Variants in EGFR observed in about 807,000 individuals in gnomAD.
EGFR encodes avian erythroblastic leukemia viral (v-erb-b) oncogene homolog.
A neutral mutation model predicts 143.0 loss-of-function variants in EGFR; 58 were observed. That is an observed-to-expected ratio of 0.41 (90% CI 0.33 to 0.50). The LOEUF (loss-of-function observed/expected upper bound fraction) is 0.50. Ranked by LOEUF, EGFR falls within the 20% of genes least tolerant of loss-of-function variation. The pLI is 0.39. For synonymous variants in EGFR, 613 were observed against 594.4 expected, an observed-to-expected ratio of 1.03 and a Z score of -0.45; for missense variants, 1,307 against 1,579.0, an observed-to-expected ratio of 0.83 and a Z score of 2.92.
rs751549547 is a variant in EGFR, at chr7:55,192,783, G to T, written c.2643G>T (p.Met881Ile). 2 of 1,614,142 alleles carry T rather than the reference G, an allele frequency of 1.2e-6. No homozygotes were observed. The highest frequency in any genetic ancestry group is 2.2e-5 in the South Asian group (2 of 91,082). The change falls in exon 22 of 28, where the codon ATG becomes ATT. Residue 881 changes from methionine (M) to isoleucine (I), a missense_variant. Transcript: ENST00000275493. ...ATCCCAAGGTGCCTATCAAGTGGAT[G>T]GCATTGGAATCAATTTTACACAGAA... ...AEGGKVPIKWMALESILHRIY... is the reference protein window; with the variant it reads ...AEGGKVPIKWIALESILHRIY...
chr7:55,168,784 T>C (rs747067694), intron 15 of EGFR: 21 of 526,072 alleles, frequency 4.0e-5, no homozygotes, highest in Non-Finnish European at 5.8e-5. Context: ...AATTACACGA[T>C]AGAAATGGGT....
intron 1 of EGFR, among the ~76,000 whole-genome samples, chr7:55,036,323 A>T (rs2128866722): frequency 8.1e-6 from 1 of 122,808 alleles, no homozygotes. Flanking sequence ...TCCTATATTT[A>T]TTGTCCTGTA....
intron 1 of EGFR, among the ~76,000 whole-genome samples, chr7:55,026,865 T>C (rs1786919660): frequency 6.8e-6 from 1 of 147,662 alleles, no homozygotes; most frequent in South Asian, 2.2e-4. Flanking sequence ...TCTCTTTAAC[T>C]GCCAAAAAAA....
chr7:55,113,839 A>T (rs2128909235), intron 1 of EGFR, among the ~76,000 whole-genome samples: 1 of 152,258 alleles, frequency 6.6e-6, no homozygotes, highest in Non-Finnish European at 1.5e-5. Context: ...AAACCCACAG[A>T]CCTCTAGAAA....
chr7:55,197,281 G>T (rs954252702), intron 22 of EGFR, among the ~76,000 whole-genome samples: 2 of 152,130 alleles, frequency 1.3e-5, no homozygotes, highest in Admixed American at 6.6e-5. Flanking sequence ...ATTGTGAATT[G>T]AATTGCATTC....
At position 55,165,375 on chromosome 7, in the gene EGFR, G is replaced by T. The variant is rs148242307; in HGVS notation, c.1818G>T (p.Leu606=). ...PAGVMGENNT[L]VWKYADAGHV... is the part of the protein sequence containing the mutation. ...GAGTCATGGGAGAAAACAACACCCTGGTCTGGAAGTACGCAGACGCCGGCC... is the reference window on the plus strand; with the variant it reads ...GAGTCATGGGAGAAAACAACACCCTTGTCTGGAAGTACGCAGACGCCGGCC... Residue 606 remains leucine (L), a synonymous_variant, in exon 15 of 28, where the codon CTG becomes CTT. Coordinates refer to ENST00000275493, the MANE Select transcript of EGFR (RefSeq NM_005228.5). The T allele has an allele frequency of 6.2e-7, 1 of 1,614,152 alleles. No homozygotes were observed. The highest frequency in any genetic ancestry group is 8.5e-7 in the Non-Finnish European group (1 of 1,180,028).
intron 5 of EGFR, 41 bp from the exon 6 acceptor site, chr7:55,152,505 C>A (rs559096241): frequency 5.1e-6 from 8 of 1,559,012 alleles, no homozygotes; most frequent in Non-Finnish European, 7.1e-6. Flanking sequence ...ATGATCCTAC[C>A]CTCACTCTTC....
intron 15 of EGFR, 80 bp downstream of exon 15, chr7:55,165,517 C>A (rs2128946727): frequency 6.5e-7 from 1 of 1,531,298 alleles, no homozygotes; most frequent in Non-Finnish European, 8.8e-7. Flanking sequence ...AGTTTTCCGG[C>A]AACAAATTGC....
rs2128942940 is a variant in EGFR at position 55,161,583 on chromosome 7, A to G, written c.1583A>G (p.Asn528Ser). 1.2e-6 allele frequency: 2 copies of G among 1,614,268 alleles called. No individual in the cohort carries two copies. Among genetic ancestry groups the G allele is most frequent in the African/African-American group, 1.3e-5 (1 of 75,076 alleles). The change falls in exon 13 of 28, where the codon AAT becomes AGT. Residue 528 changes from asparagine (N) to serine (S), a missense_variant. Coordinates refer to ENST00000275493, the MANE Select transcript of EGFR (RefSeq NM_005228.5). Reference sequence around the variant, plus strand: ...CCCAGGGACTGCGTCTCTTGCCGGAATGTCAGCCGAGGCAGGGAATGCGTG... The same window carrying G: ...CCCAGGGACTGCGTCTCTTGCCGGAGTGTCAGCCGAGGCAGGGAATGCGTG... ...PEPRDCVSCR[N>S]VSRGRECVDK...
At chr7:55,176,251 G>A (rs1321016267) in intron 19 of EGFR, among the ~76,000 whole-genome samples, 1 of 152,200 alleles carries the variant, frequency 6.6e-6, no homozygotes, top group Non-Finnish European at 1.5e-5. Flanking sequence ...TAAATGCAGT[G>A]TGAGGAGGGT....
intron 1 of EGFR, among the ~76,000 whole-genome samples, chr7:55,062,615 G>A (rs1005467913): frequency 7.2e-5 from 11 of 152,206 alleles, no homozygotes; most frequent in African/African-American, 2.6e-4. Flanking sequence ...GTGCCATTTG[G>A]ATCATAACTG....
rs747203424 is a variant in EGFR, at chr7:55,163,769, A to G, written c.1668A>G (p.Ile556Met). The part of the protein sequence containing the change: ...PREFVENSEC[I>M]QCHPECLPQA... The stretch of plus-strand genomic sequence containing the variant: ...AGTTTGTGGAGAACTCTGAGTGCAT[A>G]CAGTGCCACCCAGAGTGCCTGCCTC... Residue 556 changes from isoleucine (I) to methionine (M), a missense_variant, in exon 14 of 28, where the codon ATA (isoleucine) becomes ATG (methionine). Ile to Met is a conservative substitution (Grantham distance 10). Coordinates refer to ENST00000275493, the MANE Select transcript of EGFR (RefSeq NM_005228.5). 16 of 1,614,070 alleles carry G rather than the reference A, an allele frequency of 9.9e-6. No homozygotes were observed. The highest frequency in any genetic ancestry group is 1.3e-5 in the Non-Finnish European group (15 of 1,180,036).
intron 3 of EGFR, among the ~76,000 whole-genome samples, chr7:55,143,797 C>T (rs760780214): frequency 3.3e-5 from 5 of 152,108 alleles, no homozygotes; most frequent in East Asian, 1.9e-4. Context: ...GAGCAGGAAT[C>T]GTGAATCTAT....
Position 55,184,493 on chromosome 7 carries a change from G to A in EGFR, c.2469+3015G>A, listed in dbSNP as rs553797628. 7.2e-5 allele frequency among the ~76,000 whole-genome samples: 11 copies of A among 152,266 alleles called. No homozygotes were observed. In the South Asian group the frequency reaches 1.9e-3, roughly 26 times the overall value. On this transcript the variant is annotated intron_variant, in intron 20 of 27. Coordinates refer to ENST00000275493, the MANE Select transcript of EGFR (RefSeq NM_005228.5). ...CCCCAAAAATTAGCCTTCTACAAAC[G>A]AATATAATAGTGTCCATTACAGAGA...
intron 20 of EGFR, among the ~76,000 whole-genome samples, chr7:55,190,941 G>A (rs917716210): frequency 6.6e-6 from 1 of 152,208 alleles, no homozygotes; most frequent in African/African-American, 2.4e-5. Flanking sequence ...GGGGTCAGCA[G>A]TGACCCCAGC....
rs541188369 is a variant in EGFR, at chr7:55,078,777, G to A, written c.88+59412G>A. ...CATCCTGAGATGGTTTGGGCAGCCC[G>A]CGGATCCTGTGCATGTCCCCAGAGC... On this transcript the variant is annotated intron_variant, in intron 1 of 27. Transcript: ENST00000275493. Among the ~76,000 whole-genome samples the A allele has an allele frequency of 3.0e-3, 452 of 152,312 alleles. 4 individuals are homozygous for A. The highest frequency in any genetic ancestry group is 4.4e-3 in the Non-Finnish European group (301 of 68,024).
chr7:55,191,757 C>G lies in EGFR; in HGVS notation c.2508C>G (p.Arg836=), dbSNP rs2229066. ...NYLEDRRLVH[R]DLAARNVLVK... Reference sequence around the variant, plus strand: ...TGGAGGACCGTCGCTTGGTGCACCGCGACCTGGCAGCCAGGAACGTACTGG... The same window carrying G: ...TGGAGGACCGTCGCTTGGTGCACCGGGACCTGGCAGCCAGGAACGTACTGG... Residue 836 remains arginine (R), a synonymous_variant, in exon 21 of 28, where the codon CGC becomes CGG. Transcript: ENST00000275493. 1.9e-6 allele frequency: 3 copies of G among 1,613,952 alleles called. No individual in the cohort carries two copies. Among genetic ancestry groups the G allele is most frequent in the East Asian group, 2.2e-5 (1 of 44,842 alleles).
intron 20 of EGFR, among the ~76,000 whole-genome samples, chr7:55,189,098 A>ATGTG (rs10540696): frequency 1.3e-5 from 2 of 150,454 alleles, no homozygotes; most frequent in Middle Eastern, 3.2e-3. Context: ...CTCACACATA[A>ATGTG]TGTGTGTGTG....
intron 20 of EGFR, among the ~76,000 whole-genome samples, chr7:55,187,233 G>C (rs1308462912): frequency 3.9e-5 from 6 of 152,202 alleles, no homozygotes; most frequent in African/African-American, 1.4e-4. Context: ...ATGGAGAAGA[G>C]AGAATAGATT....
Sources: gnomAD v4.1 joint callset for allele counts (sites outside exome capture counted in the v4.1 genomes callset) on GRCh38, gnomAD v4.1.1 for gene constraint, MANE v1.5 for transcripts, NCBI Gene and HGNC (gene_info 2026-07-23, HGNC 2026-07-21) for gene names.